The following MTCL1 variants were observed in gnomAD, a reference collection of about 807,000 sequenced individuals.
MTCL1 encodes the protein microtubule crosslinking factor 1.
MTCL1 carries 79 observed loss-of-function variants against 141.4 expected under a neutral mutation model. That is an observed-to-expected ratio of 0.56 (90% CI 0.47 to 0.67). The LOEUF is 0.67. MTCL1 is among the 30% of genes least tolerant of loss of function. The pLI, the probability that MTCL1 is intolerant of heterozygous loss-of-function variation, is 0.00. For synonymous variants in MTCL1, 914 were observed against 875.8 expected (o/e 1.04, Z -0.77); for missense variants, 2,177 against 2,113.9 (o/e 1.03, Z -0.59).
At chr18:8,770,147 A>AT (rs1338611007) in intron 4 of MTCL1, among the ~76,000 whole-genome samples, 3 of 152,170 alleles carry the variant, frequency 2.0e-5, no homozygotes, top group African/African-American at 7.2e-5. Context: ...GTGACCTTGA[A>AT]TGTAGGCTTA....
intron 7 of MTCL1, among the ~76,000 whole-genome samples, chr18:8,792,165 C>T (rs8084401): frequency 0.013 from 2,020 of 152,310 alleles, 46 homozygotes; most frequent in African/African-American, 0.046. Context: ...GTATAAATCA[C>T]CTGTCTTCAA....
At chr18:8,731,821 G>C (rs545832372) in intron 4 of MTCL1, among the ~76,000 whole-genome samples, 24 of 152,116 alleles carry the variant, frequency 1.6e-4, no homozygotes, top group South Asian at 8.3e-4. Flanking sequence ...TGATTCTCCT[G>C]CCTCAGTCTC....
chr18:8,718,704 C>T, intron 3 of MTCL1, 56 bp downstream of exon 2: 1 of 1,517,416 alleles, frequency 6.6e-7, no homozygotes, highest in Non-Finnish European at 9.1e-7. Context: ...CGGCTGGCCA[C>T]ATGCACGTTG....
At chr18:8,784,229 G>C in exon 6 of MTCL1, 1 of 1,610,328 alleles carries the variant, frequency 6.2e-7, no homozygotes, top group Non-Finnish European at 8.5e-7. Flanking sequence ...CGACCTGGCA[G>C]CCCACCTGGG....
chr18:8,813,832 G>GA (rs1345136656), intron 12 of MTCL1, among the ~76,000 whole-genome samples: 1 of 152,178 alleles, frequency 6.6e-6, no homozygotes, highest in Non-Finnish European at 1.5e-5. Flanking sequence ...ATTTGGGGAG[G>GA]AGGGGGGTAG....
At chr18:8,724,608 G>A (rs1233647776) in intron 4 of MTCL1, among the ~76,000 whole-genome samples, 1 of 152,094 alleles carries the variant, frequency 6.6e-6, no homozygotes, top group Non-Finnish European at 1.5e-5. Context: ...TGCTTAAACA[G>A]GCAGACTTGC....
At chr18:8,801,045 TAG>T in intron 10 of MTCL1, among the ~76,000 whole-genome samples, 1 of 152,272 alleles carries the variant, frequency 6.6e-6, no homozygotes, top group Non-Finnish European at 1.5e-5. Flanking sequence ...CAGGACTGAG[TAG>T]ACTCCACTTC....
At chr18:8,804,215 C>A (rs1052642116) in intron 10 of MTCL1, among the ~76,000 whole-genome samples, 1 of 151,612 alleles carries the variant, frequency 6.6e-6, no homozygotes, top group Admixed American at 6.6e-5. Flanking sequence ...ATTGTTGTGA[C>A]ACCTCTTGTC....
intron 4 of MTCL1, among the ~76,000 whole-genome samples, chr18:8,769,623 G>A (rs1035602744): frequency 4.6e-5 from 7 of 152,144 alleles, no homozygotes; most frequent in African/African-American, 1.7e-4. Flanking sequence ...ATTTGCTAGG[G>A]GGTGTGCTGG....
At chr18:8,712,616 C>A (rs2096100785), upstream of MTCL1, among the ~76,000 whole-genome samples, 1 of 152,192 alleles carries the variant, frequency 6.6e-6, no homozygotes, top group African/African-American at 2.4e-5. Context: ...TGTATTCAGC[C>A]ACTGAAAGAG....
At position 8,826,092 on chromosome 18, in the gene MTCL1, G is replaced by A. The variant is rs139202553; in HGVS notation, c.4582G>A (p.Glu1528Lys). The A allele has an allele frequency of 1.6e-4, 262 of 1,611,402 alleles. No individual in the cohort carries two copies. Among genetic ancestry groups the A allele is most frequent in the Non-Finnish European group, 2.0e-4 (238 of 1,178,740 alleles). Reference sequence around the variant, plus strand: ...TGCTCCCCCTGGCTACACGCTCACTGAGAACGTGGCCCGGATCCTCAACAA... The same window carrying A: ...TGCTCCCCCTGGCTACACGCTCACTAAGAACGTGGCCCGGATCCTCAACAA... Residue 1528 changes from glutamate (E) to lysine (K), a missense_variant, in exon 15 of 17, where the codon GAG (glutamate) becomes AAG (lysine). Coordinates refer to ENST00000359865, the Ensembl canonical transcript of MTCL1.
rs1164260259 is a variant in MTCL1, at chr18:8,810,835, C to T, written c.2605-2144C>T. On this transcript the variant is annotated intron_variant, in intron 11 of 16. Transcript: ENST00000359865. This position sits in a 1 kb window ranked among gnomAD's most constrained non-coding sequence, Gnocchi z 5.0. ...CAAGAAGCGTCACCACTGACCTGTG[C>T]CCGTGGCTGTCATCTGCTTCCTCAA... Among the ~76,000 whole-genome samples, 2 of 152,196 alleles carry T rather than the reference C, an allele frequency of 1.3e-5. No homozygotes were observed. The highest frequency in any genetic ancestry group is 2.4e-5 in the African/African-American group (1 of 41,452).
intron 4 of MTCL1, among the ~76,000 whole-genome samples, chr18:8,774,045 C>T (rs183635657): frequency 1.3e-4 from 20 of 152,316 alleles, no homozygotes; most frequent in Non-Finnish European, 2.1e-4. Flanking sequence ...AACAGTTTGT[C>T]ACTAGTGCTC....
intron 15 of MTCL1, among the ~76,000 whole-genome samples, chr18:8,827,329 C>T (rs1196479755): frequency 2.6e-5 from 4 of 152,232 alleles, no homozygotes; most frequent in African/African-American, 9.6e-5. Context: ...TGATGGCTGT[C>T]TTCCCAGCCT....
chr18:8,828,599 A>G lies in MTCL1; in HGVS notation c.4723-309A>G, dbSNP rs1157274716. On this transcript the variant is annotated intron_variant, in intron 15 of 16. Transcript: ENST00000359865. This position sits in a 1 kb window ranked among gnomAD's most constrained non-coding sequence, Gnocchi z 5.2. ...GTGCTGTTTGAAATGTTAAATGCTA[A>G]AGGGTGACTCGGAAGCATAGAAACT... Among the ~76,000 whole-genome samples, 1 of 152,142 alleles carries G rather than the reference A, an allele frequency of 6.6e-6. No individual in the cohort carries two copies. Among genetic ancestry groups the G allele is most frequent in the East Asian group, 1.9e-4 (1 of 5,190 alleles).
At chr18:8,734,592 A>G (rs1215690769) in intron 4 of MTCL1, among the ~76,000 whole-genome samples, 1 of 151,788 alleles carries the variant, frequency 6.6e-6, no homozygotes, top group Non-Finnish European at 1.5e-5. Context: ...GTGACTCTAG[A>G]TGTTTGGGCC....
intron 10 of MTCL1, among the ~76,000 whole-genome samples, chr18:8,801,181 C>T (rs139952054): frequency 9.6e-4 from 146 of 152,286 alleles, no homozygotes; most frequent in African/African-American, 3.4e-3. Context: ...GGGGCTGTGG[C>T]TCTCCCAGGC....
At chr18:8,809,843 G>C (rs1357296889) in intron 11 of MTCL1, 1 of 480,626 alleles carries the variant, frequency 2.1e-6, no homozygotes, top group Admixed American at 3.4e-5. Flanking sequence ...ACTTGAAAAG[G>C]GCTGGGCTGA....
At chr18:8,805,102 A>AAAAT (rs1555667504) in intron 10 of MTCL1, among the ~76,000 whole-genome samples, 1 of 146,318 alleles carries the variant, frequency 6.8e-6, no homozygotes, top group South Asian at 2.1e-4. Context: ...TTTATTTTTG[A>AAAAT]ATATATATAT....
Sources: gnomAD v4.1 joint callset for allele counts (sites outside exome capture counted in the v4.1 genomes callset) on GRCh38, gnomAD v4.1.1 for gene constraint, Gnocchi (gnomAD v3.1) non-coding constraint, MANE v1.5 for transcripts, NCBI Gene and HGNC (gene_info 2026-07-23, HGNC 2026-07-21) for gene names.